Variants in RNF121 observed in about 807,000 individuals in gnomAD.
RNF121 encodes E3 ubiquitin ligase RNF121.
RNF121 carries 21 observed loss-of-function variants against 46.5 expected under a neutral mutation model. That is an observed-to-expected ratio of 0.45 (90% CI 0.32 to 0.65). The LOEUF is 0.65. Among genes scored for constraint, RNF121 ranks in the 30% least tolerant of loss-of-function variants. The pLI, the probability that RNF121 is intolerant of heterozygous loss-of-function variation, is 0.04. For synonymous variants in RNF121, 139 were observed against 144.7 expected (o/e 0.96, Z 0.28); for missense variants, 346 against 416.0 (o/e 0.83, Z 1.46).
chr11:71,937,097 A>G (rs2134147260), intron 1 of RNF121, among the ~76,000 whole-genome samples: 1 of 152,338 alleles, frequency 6.6e-6, no homozygotes, highest in Middle Eastern at 3.4e-3. Flanking sequence ...AATTAATGCC[A>G]AATTGTTCCT....
At chr11:71,959,108 A>G (rs1467327829) in intron 2 of RNF121, among the ~76,000 whole-genome samples, 2 of 152,180 alleles carry the variant, frequency 1.3e-5, no homozygotes, top group Admixed American at 6.5e-5. Context: ...TTAATTGGCC[A>G]TGGCCATATA....
At chr11:71,929,276 A>G in intron 1 of RNF121, 152 bp downstream of exon 1, 4 of 1,300,166 alleles carry the variant, frequency 3.1e-6, no homozygotes, top group Non-Finnish European at 4.1e-6. Flanking sequence ...GCGAAGTCAG[A>G]GGCACTCCTG....
At chr11:71,980,114 C>T (rs552461131) in intron 3 of RNF121, among the ~76,000 whole-genome samples, 1 of 152,144 alleles carries the variant, frequency 6.6e-6, no homozygotes, top group Non-Finnish European at 1.5e-5. Context: ...TTAGTACATC[C>T]TGGTGCTTCC....
chr11:71,936,941 G>A lies in RNF121; in HGVS notation c.63+7817G>A, dbSNP rs1953430688. ...TGAGTAAATGAGAATGCTTGTAGATGTGGATTCTGTTAAGGATAAAGGGAA... is the reference window on the plus strand; with the variant it reads ...TGAGTAAATGAGAATGCTTGTAGATATGGATTCTGTTAAGGATAAAGGGAA... On this transcript the variant is annotated intron_variant, in intron 1 of 8. Coordinates refer to ENST00000361756, the MANE Select transcript of RNF121 (RefSeq NM_018320.5). Among the ~76,000 whole-genome samples the A allele has an allele frequency of 3.9e-5, 6 of 152,326 alleles. No homozygotes were observed. In the South Asian group the frequency reaches 1.2e-3, roughly 32 times the overall value.
intron 3 of RNF121, among the ~76,000 whole-genome samples, chr11:71,975,947 A>G (rs778751958): frequency 1.3e-5 from 2 of 152,310 alleles, no homozygotes; most frequent in African/African-American, 4.8e-5. Flanking sequence ...AAGGATTACT[A>G]TGTGTAGGTG....
chr11:71,963,176 A>AT (rs1954179206), intron 3 of RNF121, among the ~76,000 whole-genome samples: 1 of 152,130 alleles, frequency 6.6e-6, no homozygotes. Context: ...CACTTTATTG[A>AT]TAGTGTCCTT....
chr11:71,947,550 G>A lies in RNF121; in HGVS notation c.64-9677G>A, dbSNP rs1392289805. ...GTAGAGAATTCTAGAGAGAAAAGACGGCAGCAGCCAAAGAAAGCACTGAGG... is the reference window on the plus strand; with the variant it reads ...GTAGAGAATTCTAGAGAGAAAAGACAGCAGCAGCCAAAGAAAGCACTGAGG... On this transcript the variant is annotated intron_variant, in intron 1 of 8. Coordinates refer to ENST00000361756, the MANE Select transcript of RNF121 (RefSeq NM_018320.5). 2.6e-5 allele frequency among the ~76,000 whole-genome samples: 4 copies of A among 152,124 alleles called. 1 individual carries two copies. The highest frequency in any genetic ancestry group is 4.2e-4 in the South Asian group (2 of 4,816).
chr11:71,960,159 C>T (rs1954096271), intron 2 of RNF121, among the ~76,000 whole-genome samples: 2 of 152,174 alleles, frequency 1.3e-5, no homozygotes, highest in South Asian at 4.1e-4. Context: ...CCTGTGGATA[C>T]TGAGGGTAAA....
At chr11:71,990,462 G>T in intron 5 of RNF121, 135 bp from the exon 6 acceptor site, 1 of 1,012,880 alleles carries the variant, frequency 9.9e-7, no homozygotes, top group Non-Finnish European at 1.5e-6. Context: ...GACTGGATTT[G>T]GTCATAGTTT....
At chr11:71,949,863 G>T (rs546499325) in intron 1 of RNF121, among the ~76,000 whole-genome samples, 291 of 152,040 alleles carry the variant, frequency 1.9e-3, no homozygotes, top group African/African-American at 6.5e-3. Context: ...TTAGCTGGGC[G>T]TGGTGGCACG....
Position 71,996,230 on chromosome 11 carries a change from T to A in RNF121, c.899T>A (p.Leu300Gln). ...ERPHVMYGQLLDWLRYLVAWQ... is the reference protein window; with the variant it reads ...ERPHVMYGQLQDWLRYLVAWQ... ...CCTCACGTCATGTATGGGCAACTGCTGGACTGGCTTCGATACTTGGTAGCC... is the reference window on the plus strand; with the variant it reads ...CCTCACGTCATGTATGGGCAACTGCAGGACTGGCTTCGATACTTGGTAGCC... Residue 300 changes from leucine to glutamine, a missense_variant, in exon 9 of 9, where the codon CTG (leucine) becomes CAG (glutamine). Leu to Gln is a moderately radical substitution (Grantham distance 113, BLOSUM62 -2). This residue lies in a region of RNF121 where 286 missense variants were observed against 383.8 expected (regional missense o/e 0.75). Coordinates refer to ENST00000361756, the MANE Select transcript of RNF121 (RefSeq NM_018320.5). The A allele has an allele frequency of 1.2e-6, 2 of 1,614,212 alleles. No homozygotes were observed. The highest frequency in any genetic ancestry group is 1.7e-6 in the Non-Finnish European group (2 of 1,180,010).
At chr11:71,953,565 A>G (rs1349049635) in intron 1 of RNF121, among the ~76,000 whole-genome samples, 2 of 151,904 alleles carry the variant, frequency 1.3e-5, no homozygotes, top group Non-Finnish European at 2.9e-5. Flanking sequence ...GGAGTCTGCG[A>G]TTTTCTGTTT....
At chr11:71,966,822 A>T (rs1201103582) in intron 3 of RNF121, among the ~76,000 whole-genome samples, 1 of 151,014 alleles carries the variant, frequency 6.6e-6, no homozygotes, top group Non-Finnish European at 1.5e-5. Flanking sequence ...ATACTGATGT[A>T]TAAATTTCTA....
intron 3 of RNF121, among the ~76,000 whole-genome samples, chr11:71,965,215 G>T (rs1954246747): frequency 6.6e-6 from 1 of 151,714 alleles, no homozygotes; most frequent in Non-Finnish European, 1.5e-5. Context: ...ATCCATATTG[G>T]TGGGTATATC....
In RNF121 at chr11:71,948,410, G is replaced by A. The variant is rs555700998; in HGVS notation, c.64-8817G>A. On this transcript the variant is annotated intron_variant, in intron 1 of 8. Coordinates refer to ENST00000361756, the MANE Select transcript of RNF121 (RefSeq NM_018320.5). ...TGCACTTGTAGCCCCACCTACTTGG[G>A]AGGCTGAGGCATGAGAATCGCTTGA... 1.0e-4 allele frequency among the ~76,000 whole-genome samples: 15 copies of A among 149,942 alleles called. No individual in the cohort carries two copies. In the South Asian group the frequency reaches 3.2e-3, roughly 32 times the overall value.
chr11:71,968,174 C>G (rs896534645), intron 3 of RNF121, among the ~76,000 whole-genome samples: 4 of 152,118 alleles, frequency 2.6e-5, no homozygotes, highest in Middle Eastern at 3.2e-3. Flanking sequence ...ATTCTCCTGC[C>G]TCAGCCTCCC....
chr11:71,989,199 G>C (rs1565162541), intron 5 of RNF121, among the ~76,000 whole-genome samples: 1 of 152,118 alleles, frequency 6.6e-6, no homozygotes, highest in Non-Finnish European at 1.5e-5. Context: ...TCCTGCCTCA[G>C]CCTCCTGAAT....
At chr11:71,929,296 C>G (rs555350457) in intron 1 of RNF121, among the ~76,000 whole-genome samples, 172 bp downstream of exon 1, 30 of 151,662 alleles carry the variant, frequency 2.0e-4, no homozygotes, top group Non-Finnish European at 3.4e-4. Flanking sequence ...GACTTGGGGA[C>G]TCCGAGGCGG....
At chr11:71,957,490 C>CAA (rs1292538090) in intron 2 of RNF121, among the ~76,000 whole-genome samples, 1 of 152,176 alleles carries the variant, frequency 6.6e-6, no homozygotes, top group African/African-American at 2.4e-5. Flanking sequence ...AATACCATTT[C>CAA]TACCATTTAC....
Sources: allele counts gnomAD v4.1 joint callset (sites outside exome capture counted in the v4.1 genomes callset), GRCh38; gene constraint gnomAD v4.1.1; regional missense constraint gnomAD v4.1.1; transcripts MANE v1.5; gene names NCBI Gene and HGNC (gene_info 2026-07-23, HGNC 2026-07-21).